The following LRRC4C variants were observed in gnomAD, a reference collection of about 807,000 sequenced individuals.
LRRC4C encodes leucine-rich repeat-containing protein 4C.
LRRC4C carries 5 observed loss-of-function variants against 33.6 expected under a neutral mutation model. The observed-to-expected ratio is 0.15, with a 90% CI of 0.08 to 0.31. The LOEUF is 0.31. Ranked by LOEUF, LRRC4C falls within the 10% of genes least tolerant of loss-of-function variation. LRRC4C has a pLI of 1.00. For synonymous variants in LRRC4C, 329 were observed against 302.0 expected (o/e 1.09, Z -0.93); for missense variants, 560 against 796.7 (o/e 0.70, Z 3.58).
At chr11:41,056,467 T>A (rs1453396856) in intron 1 of LRRC4C, among the ~76,000 whole-genome samples, 2 of 152,000 alleles carry the variant, frequency 1.3e-5, no homozygotes, top group Non-Finnish European at 2.9e-5. Context: ...TATCAACAGA[T>A]TAAACAGACA....
intron 2 of LRRC4C, among the ~76,000 whole-genome samples, chr11:40,816,618 T>C (rs1311892030): frequency 6.6e-6 from 1 of 152,184 alleles, no homozygotes; most frequent in Non-Finnish European, 1.5e-5. Context: ...ATGATCATCA[T>C]TAGCATCATT....
At chr11:40,395,136 T>C (rs1949490601) in intron 3 of LRRC4C, among the ~76,000 whole-genome samples, 1 of 152,170 alleles carries the variant, frequency 6.6e-6, no homozygotes, top group Non-Finnish European at 1.5e-5. Flanking sequence ...GCATGCTCTT[T>C]ATTAGTGACA....
At chr11:41,396,253 G>A (rs1953808238) in intron 1 of LRRC4C, among the ~76,000 whole-genome samples, 1 of 152,024 alleles carries the variant, frequency 6.6e-6, no homozygotes, top group Admixed American at 6.6e-5. Flanking sequence ...AAAATGAGGA[G>A]TAAGGGTCTA....
chr11:40,858,487 G>A lies in LRRC4C; in HGVS notation c.-407+75148C>T, dbSNP rs182564888. 4.0e-3 allele frequency among the ~76,000 whole-genome samples: 605 copies of A among 151,824 alleles called. 3 individuals carry two copies. The highest frequency in any genetic ancestry group is 6.1e-3 in the Admixed American group (93 of 15,240). On this transcript the variant is annotated intron_variant, in intron 2 of 6. Transcript: ENST00000528697. ...AAGCAGGCAGATAACTTGAGGTCAG[G>A]AGTTCAAGACCAGCCTGGCCAACAT...
At chr11:40,351,829 A>G (rs772909300) in intron 3 of LRRC4C, among the ~76,000 whole-genome samples, 12 of 152,062 alleles carry the variant, frequency 7.9e-5, no homozygotes, top group Non-Finnish European at 1.6e-4. Flanking sequence ...TTTGTCTAAT[A>G]TAAGTGTAGT....
At chr11:41,179,895 C>G (rs1457295126) in intron 1 of LRRC4C, among the ~76,000 whole-genome samples, 3 of 152,054 alleles carry the variant, frequency 2.0e-5, no homozygotes, top group Non-Finnish European at 4.4e-5. Context: ...TTTCTTCCAC[C>G]TAGACATCAG....
chr11:40,181,101 C>T (rs1403964385), intron 5 of LRRC4C, among the ~76,000 whole-genome samples: 1 of 152,176 alleles, frequency 6.6e-6, no homozygotes, highest in African/African-American at 2.4e-5. Flanking sequence ...AACATTCTCT[C>T]TGTGCCTCAA....
At chr11:40,636,131 G>A (rs1963942531) in intron 3 of LRRC4C, among the ~76,000 whole-genome samples, 1 of 152,142 alleles carries the variant, frequency 6.6e-6, no homozygotes, top group South Asian at 2.1e-4. Context: ...CCTGCCCCAG[G>A]TGAAGTGCAA....
chr11:40,652,532 C>T (rs1209037350), intron 2 of LRRC4C, among the ~76,000 whole-genome samples: 3 of 152,132 alleles, frequency 2.0e-5, no homozygotes, highest in South Asian at 2.1e-4. Context: ...AAAAATGTAA[C>T]AGCACTAAAG....
chr11:41,171,133 G>A (rs1282752307), intron 1 of LRRC4C, among the ~76,000 whole-genome samples: 2 of 151,864 alleles, frequency 1.3e-5, no homozygotes, highest in Non-Finnish European at 2.9e-5. Flanking sequence ...TGGAGAAATA[G>A]GAACACTTTT....
At chr11:41,458,041 C>T (rs1418291671) in intron 1 of LRRC4C, among the ~76,000 whole-genome samples, 1 of 151,904 alleles carries the variant, frequency 6.6e-6, no homozygotes, top group Admixed American at 6.6e-5. Flanking sequence ...AGTATGATGC[C>T]TGACATCTCT....
At chr11:40,943,279 A>G (rs1043057462) in intron 1 of LRRC4C, among the ~76,000 whole-genome samples, 8 of 152,056 alleles carry the variant, frequency 5.3e-5, no homozygotes, top group African/African-American at 1.9e-4. Context: ...TTCCCCTCAC[A>G]CCTTAGTATA....
intron 1 of LRRC4C, among the ~76,000 whole-genome samples, chr11:41,245,773 C>T (rs988355178): frequency 3.3e-4 from 51 of 152,252 alleles, no homozygotes; most frequent in African/African-American, 1.1e-3. Context: ...GAATGAGGTA[C>T]GCGGACAAGT....
In LRRC4C at chr11:40,273,577, G is replaced by C. The variant is rs1407248172; in HGVS notation, c.-175-31979C>G. ...TCCAAGAAAAGGCCTCTTTACGATG[G>C]ATGTTACTCTATTACAAACCATGTT... On this transcript the variant is annotated intron_variant, in intron 4 of 6. Transcript: ENST00000528697. Among the ~76,000 whole-genome samples the C allele has an allele frequency of 3.9e-5, 6 of 152,054 alleles. No homozygotes were observed. The East Asian group carries it at 1.2e-3, about 29-fold the overall frequency.
intron 1 of LRRC4C, among the ~76,000 whole-genome samples, chr11:41,449,464 C>T (rs1355182206): frequency 6.6e-6 from 1 of 151,724 alleles, no homozygotes; most frequent in Non-Finnish European, 1.5e-5. Context: ...AAAAAGATGA[C>T]ATAAGGAGCA....
intron 1 of LRRC4C, among the ~76,000 whole-genome samples, chr11:41,160,106 T>C (rs889893477): frequency 7.3e-5 from 11 of 151,702 alleles, no homozygotes; most frequent in Non-Finnish European, 1.5e-5. Context: ...AGAAGAAAAA[T>C]AAAGGTTGAG....
intron 2 of LRRC4C, among the ~76,000 whole-genome samples, chr11:40,679,583 C>T (rs932154346): frequency 3.3e-5 from 5 of 152,146 alleles, no homozygotes; most frequent in South Asian, 2.1e-4. Flanking sequence ...CATCTCCAGC[C>T]GTGACTGATG....
intron 3 of LRRC4C, among the ~76,000 whole-genome samples, chr11:40,422,530 T>C (rs1324623886): frequency 6.6e-6 from 1 of 152,180 alleles, no homozygotes; most frequent in East Asian, 1.9e-4. Flanking sequence ...TTACAACACA[T>C]CTTTGCATGG....
In LRRC4C at chr11:41,143,131, G is replaced by A. The variant is rs962852051; in HGVS notation, c.-495-209408C>T. On this transcript the variant is annotated intron_variant, in intron 1 of 6. Transcript: ENST00000528697. ...AAAGAAGGGTGTCCTTCTATGGAAA[G>A]TGCCACAATAATCTCTCTGAAGCAA... Among the ~76,000 whole-genome samples, 16 of 152,030 alleles carry A rather than the reference G, an allele frequency of 1.1e-4. No individual in the cohort carries two copies. In the South Asian group the frequency reaches 2.1e-3, roughly 20 times the overall value.
Sources: gnomAD v4.1 joint callset for allele counts (sites outside exome capture counted in the v4.1 genomes callset) on GRCh38, gnomAD v4.1.1 for gene constraint, MANE v1.5 for transcripts, NCBI Gene and HGNC (gene_info 2026-07-23, HGNC 2026-07-21) for gene names.